The following KCNH5 variants were observed in gnomAD, a reference collection of about 807,000 sequenced individuals.
KCNH5 encodes voltage-gated delayed rectifier potassium channel KCNH5.
KCNH5 carries 46 observed loss-of-function variants against 96.1 expected under a neutral mutation model. The ratio of observed to expected loss-of-function variants is 0.48; its 90% CI spans 0.38 to 0.61. The LOEUF (loss-of-function observed/expected upper bound fraction) is 0.61. Among genes scored for constraint, KCNH5 ranks in the 20% least tolerant of loss-of-function variants. The pLI, the probability that KCNH5 is intolerant of heterozygous loss-of-function variation, is 0.00. For missense variants in KCNH5, 907 were observed against 1,225.8 expected (o/e 0.74, Z 3.88); for synonymous variants, 439 against 449.8 (o/e 0.98, Z 0.30).
At chr14:62,708,526 CT>C in intron 10 of KCNH5, 71 bp from the exon 11 acceptor site, 5 of 918,810 alleles carry the variant, frequency 5.4e-6, no homozygotes, top group Admixed American at 5.0e-5. Context: ...TAATACTATG[CT>C]GTATGTGCTT....
At chr14:62,733,784 C>T (rs1346985662) in intron 10 of KCNH5, among the ~76,000 whole-genome samples, 1 of 152,178 alleles carries the variant, frequency 6.6e-6, no homozygotes, top group South Asian at 2.1e-4. Flanking sequence ...TCTTGGCAAC[C>T]ATGATATCTT....
chr14:62,913,116 A>C (rs1205270814), intron 7 of KCNH5, among the ~76,000 whole-genome samples: 1 of 152,256 alleles, frequency 6.6e-6, no homozygotes, highest in African/African-American at 2.4e-5. Flanking sequence ...GTGATTTGTC[A>C]AGATTAATGA....
At chr14:62,778,440 T>C (rs1886143448) in intron 10 of KCNH5, among the ~76,000 whole-genome samples, 1 of 152,178 alleles carries the variant, frequency 6.6e-6, no homozygotes, top group Admixed American at 6.5e-5. Context: ...CAGGTTGCCT[T>C]GTTGAAGGGA....
At chr14:63,035,364 G>C (rs891245931) in intron 1 of KCNH5, among the ~76,000 whole-genome samples, 1 of 152,080 alleles carries the variant, frequency 6.6e-6, no homozygotes, top group African/African-American at 2.4e-5. Flanking sequence ...ACACAAAGAG[G>C]CTTTTCTGAA....
chr14:62,917,174 T>C (rs1298152764), intron 7 of KCNH5, among the ~76,000 whole-genome samples: 1 of 152,236 alleles, frequency 6.6e-6, no homozygotes, highest in Non-Finnish European at 1.5e-5. Flanking sequence ...AGATCTGCTG[T>C]ACCTAATACA....
At chr14:62,752,247 C>T (rs1885517219) in intron 10 of KCNH5, among the ~76,000 whole-genome samples, 1 of 152,098 alleles carries the variant, frequency 6.6e-6, no homozygotes, top group African/African-American at 2.4e-5. Context: ...TGTTGTTTCT[C>T]TTCCACTGTA....
chr14:62,797,124 T>G (rs761467333), intron 9 of KCNH5, among the ~76,000 whole-genome samples: 1 of 152,094 alleles, frequency 6.6e-6, no homozygotes, highest in Non-Finnish European at 1.5e-5. Flanking sequence ...ATATTAAGAA[T>G]AGGATTAAAA....
intron 10 of KCNH5, among the ~76,000 whole-genome samples, chr14:62,750,367 C>T (rs1885471661): frequency 6.6e-6 from 1 of 151,896 alleles, no homozygotes; most frequent in African/African-American, 2.4e-5. Context: ...TAACAGTTTG[C>T]TGTCATTGAC....
intron 10 of KCNH5, among the ~76,000 whole-genome samples, chr14:62,754,730 T>A (rs1159154929): frequency 6.6e-6 from 1 of 151,096 alleles, no homozygotes; most frequent in Non-Finnish European, 1.5e-5. Context: ...AAAAAAATAG[T>A]CAAGCATGGG....
intron 1 of KCNH5, among the ~76,000 whole-genome samples, chr14:63,033,334 C>G (rs1891664062): frequency 6.6e-6 from 1 of 152,228 alleles, no homozygotes; most frequent in Non-Finnish European, 1.5e-5. Context: ...TTAAGCTTCA[C>G]AAACTTAGCC....
chr14:62,745,232 TC>T (rs904219842), intron 10 of KCNH5, among the ~76,000 whole-genome samples: 2 of 136,286 alleles, frequency 1.5e-5, no homozygotes, highest in African/African-American at 5.5e-5. Flanking sequence ...GATCAGAAGC[TC>T]ATGAAGCAGA....
intron 1 of KCNH5, among the ~76,000 whole-genome samples, chr14:63,021,768 A>T (rs941480496): frequency 1.3e-5 from 2 of 151,916 alleles, no homozygotes; most frequent in African/African-American, 4.8e-5. Context: ...ATTTCATAAC[A>T]ATTCAGAAGC....
intron 8 of KCNH5, among the ~76,000 whole-genome samples, chr14:62,813,527 G>T (rs1459438762): frequency 6.6e-6 from 1 of 152,078 alleles, no homozygotes; most frequent in Non-Finnish European, 1.5e-5. Flanking sequence ...CCTTCTTCAG[G>T]AATAATTCAG....
chr14:62,925,050 A>C (rs1489988933), intron 7 of KCNH5, among the ~76,000 whole-genome samples: 1 of 151,996 alleles, frequency 6.6e-6, no homozygotes, highest in Non-Finnish European at 1.5e-5. Flanking sequence ...ACATATTTCA[A>C]GACATCAATC....
At chr14:63,021,191 G>C (rs1462586590) in intron 1 of KCNH5, among the ~76,000 whole-genome samples, 2 of 151,972 alleles carry the variant, frequency 1.3e-5, no homozygotes, top group African/African-American at 2.4e-5. Flanking sequence ...GTTCAGTCTT[G>C]TGATTAGGTG....
At chr14:62,921,025 T>C (rs1889371410) in intron 7 of KCNH5, among the ~76,000 whole-genome samples, 2 of 152,170 alleles carry the variant, frequency 1.3e-5, no homozygotes, top group Admixed American at 1.3e-4. Context: ...TACCAATGCC[T>C]ATGTGTTTTT....
At chr14:62,987,030 C>A in intron 5 of KCNH5, 42 bp downstream of exon 5, 1 of 1,312,802 alleles carries the variant, frequency 7.6e-7, no homozygotes, top group South Asian at 1.2e-5. Context: ...AAAAATGTAC[C>A]AACACCACCA....
intron 7 of KCNH5, among the ~76,000 whole-genome samples, chr14:62,930,920 AC>A (rs2140115695): frequency 6.6e-6 from 1 of 152,218 alleles, no homozygotes; most frequent in East Asian, 1.9e-4. Context: ...TAAAGTATTA[AC>A]CCTATGTGAA....
intron 7 of KCNH5, among the ~76,000 whole-genome samples, chr14:62,912,291 A>G (rs1402492848): frequency 1.3e-5 from 2 of 152,126 alleles, no homozygotes; most frequent in Non-Finnish European, 2.9e-5. Flanking sequence ...GTTGATGACA[A>G]CCATCAAATC....
Sources: gnomAD v4.1 joint callset for allele counts (sites outside exome capture counted in the v4.1 genomes callset) on GRCh38, gnomAD v4.1.1 for gene constraint, MANE v1.5 for transcripts, NCBI Gene and HGNC (gene_info 2026-07-23, HGNC 2026-07-21) for gene names.